LAMA3: variants seen among roughly 807,000 people sequenced by gnomAD.
LAMA3 encodes laminin subunit alpha-3.
In LAMA3, 281 loss-of-function variants were observed where a neutral mutation model predicts 402.0. The observed-to-expected ratio is 0.70, with a 90% CI of 0.63 to 0.77. The LOEUF is 0.77. LAMA3 is among the 30% of genes least tolerant of loss of function. The pLI is 0.00. For missense variants in LAMA3, 3,840 were observed against 4,215.5 expected (o/e 0.91, Z 2.47); for synonymous variants, 1,431 against 1,558.4 (o/e 0.92, Z 1.93).
chr18:23,836,921 A>T, intron 24 of LAMA3, 60 bp from the exon 25 acceptor site: 2 of 1,196,446 alleles, frequency 1.7e-6, no homozygotes, highest in South Asian at 2.4e-5. Context: ...ACCCAGAAGG[A>T]TGTGCAGAAT....
intron 42 of LAMA3, among the ~76,000 whole-genome samples, chr18:23,891,318 A>G (rs1035585857): frequency 1.3e-5 from 2 of 152,264 alleles, no homozygotes; most frequent in African/African-American, 4.8e-5. Flanking sequence ...GTGTGTTGAC[A>G]GACTTCAGTC....
intron 2 of LAMA3, among the ~76,000 whole-genome samples, chr18:23,741,056 C>G (rs945896420): frequency 6.6e-6 from 1 of 151,994 alleles, no homozygotes; most frequent in African/African-American, 2.4e-5. Flanking sequence ...CAGGTTCACG[C>G]CATTCTCCTG....
rs373464847 is a variant in LAMA3 at position 23,901,216 on chromosome 18, G to T, written c.6094G>T (p.Glu2032Ter). The T allele has an allele frequency of 1.2e-6, 2 of 1,614,138 alleles. No homozygotes were observed. Among genetic ancestry groups the T allele is most frequent in the Non-Finnish European group, 1.7e-6 (2 of 1,180,018 alleles). ...TATCCGGGATTCTTTAAATGAATAC[G>T]AAGCCAAACTCAGTGACCTTCGTGC... Reference protein sequence around the residue: ...NSIRDSLNEYEAKLSDLRARL... With the variant: ...NSIRDSLNEY The change falls in exon 48 of 75, where the codon GAA becomes TAA. Residue 2032 changes from glutamate (E) to a stop codon, truncating the protein, a stop_gained. Coordinates refer to ENST00000313654, the MANE Select transcript of LAMA3 (RefSeq NM_198129.4). LOFTEE classifies it high-confidence loss of function.
chr18:23,908,640 T>C (rs1437186794), intron 54 of LAMA3, among the ~76,000 whole-genome samples: 1 of 151,960 alleles, frequency 6.6e-6, no homozygotes, highest in Admixed American at 6.6e-5. Flanking sequence ...GTACCTAGAT[T>C]GCAGAATACA....
intron 61 of LAMA3, 40 bp downstream of exon 61, chr18:23,921,094 C>T: frequency 3.1e-6 from 5 of 1,608,270 alleles, no homozygotes; most frequent in Non-Finnish European, 4.3e-6. Context: ...CGTTAAATGT[C>T]CTTAGTCCTT....
intron 8 of LAMA3, among the ~76,000 whole-genome samples, chr18:23,767,765 G>A (rs2062107189): frequency 6.6e-6 from 1 of 151,830 alleles, no homozygotes; most frequent in Admixed American, 6.6e-5. Flanking sequence ...TAGAAACAGA[G>A]TTTCACCATG....
intron 6 of LAMA3, among the ~76,000 whole-genome samples, chr18:23,756,588 G>T (rs572737162): frequency 6.6e-5 from 10 of 152,018 alleles, no homozygotes; most frequent in Non-Finnish European, 1.5e-4. Context: ...CTACAATCAC[G>T]GCCTTTGTCA....
At chr18:23,877,913 C>A (rs2064774630) in intron 39 of LAMA3, among the ~76,000 whole-genome samples, 1 of 152,030 alleles carries the variant, frequency 6.6e-6, no homozygotes, top group Non-Finnish European at 1.5e-5. Flanking sequence ...AGTTCGAGAC[C>A]ATTCTGGCTA....
At position 23,951,731 on chromosome 18, in the gene LAMA3, C is replaced by T. The variant is rs1228894523; in HGVS notation, c.9690C>T (p.Val3230=). Residue 3230 remains valine, a synonymous_variant, in exon 73 of 75, where the codon GTC becomes GTT. Coordinates refer to ENST00000313654, the MANE Select transcript of LAMA3 (RefSeq NM_198129.4). ...DSGAGGTSTS[V]TPKQSLCDGQ... ...GGGCAGGTGGGACCTCAACGTCGGT[C>T]ACACCAAAGCAGTCTCTGTGTGATG... 1.2e-6 allele frequency: 2 copies of T among 1,613,824 alleles called. No individual in the cohort carries two copies. The highest frequency in any genetic ancestry group is 8.5e-7 in the Non-Finnish European group (1 of 1,179,960).
chr18:23,930,304 A>G (rs2082125600), intron 64 of LAMA3, among the ~76,000 whole-genome samples: 1 of 152,212 alleles, frequency 6.6e-6, no homozygotes, highest in Admixed American at 6.5e-5. Flanking sequence ...AAAAATAATG[A>G]CTAGGAAATA....
chr18:23,916,025 A>G (rs1308881681), intron 59 of LAMA3, among the ~76,000 whole-genome samples: 126 of 139,644 alleles, frequency 9.0e-4, no homozygotes, highest in African/African-American at 3.1e-3. Context: ...AAAAAAAAAA[A>G]AAAAAAGAAA....
chr18:23,942,826 C>T (rs1218173412), intron 68 of LAMA3, among the ~76,000 whole-genome samples: 3 of 152,176 alleles, frequency 2.0e-5, no homozygotes, highest in Admixed American at 6.5e-5. Context: ...GATCCACCCA[C>T]CTCGGCCTCC....
chr18:23,898,787 T>C lies in LAMA3; in HGVS notation c.5663T>C (p.Ile1888Thr), dbSNP rs1413876039. 5 of 1,613,180 alleles carry C rather than the reference T, an allele frequency of 3.1e-6. No homozygotes were observed. The Admixed American group carries it at 8.3e-5, about 27-fold the overall frequency. Residue 1888 changes from isoleucine to threonine, a missense_variant, in exon 45 of 75, where the codon ATA becomes ACA. Transcript: ENST00000313654. ...GCCATTTCAAATCATGGATCAAAAA[T>C]AGAAGGCCTGGAAAGAGAACTGACT... Reference protein sequence around the residue: ...RSAISNHGSKIEGLERELTDL... With the variant: ...RSAISNHGSKTEGLERELTDL...
At chr18:23,798,139 C>T (rs1204435681) in intron 12 of LAMA3, among the ~76,000 whole-genome samples, 1 of 152,036 alleles carries the variant, frequency 6.6e-6, no homozygotes, top group Non-Finnish European at 1.5e-5. Context: ...CTTCCTCTTC[C>T]TCTTTTCCTC....
chr18:23,941,228 G>A (rs559288470), intron 68 of LAMA3, among the ~76,000 whole-genome samples: 67 of 151,542 alleles, frequency 4.4e-4, no homozygotes, highest in Middle Eastern at 6.8e-3. Flanking sequence ...GAGCCACCGC[G>A]CCCGGCCAAC....
chr18:23,899,658 C>A, intron 47 of LAMA3: 2 of 531,702 alleles, frequency 3.8e-6, no homozygotes, highest in Admixed American at 3.4e-5. Context: ...AACAGCTTAC[C>A]ATCATGCAAA....
rs59629537 is a variant in LAMA3 at position 23,765,132 on chromosome 18, G to A, written c.1182+1609G>A. ...TATTTTTATGACTTTTACCCAGAGG[G>A]GAGGCCAAAGTTGGTCCCATGTGGT... is the stretch of plus-strand genomic sequence containing the variant. On this transcript the variant is annotated intron_variant, in intron 8 of 74. Coordinates refer to ENST00000313654, the MANE Select transcript of LAMA3 (RefSeq NM_198129.4). 3.6e-3 allele frequency among the ~76,000 whole-genome samples: 549 copies of A among 152,270 alleles called. 3 individuals carry two copies. Among genetic ancestry groups the A allele is most frequent in the African/African-American group, 0.013 (520 of 41,534 alleles).
In LAMA3 at chr18:23,777,575, T is replaced by C; in HGVS notation, c.1424T>C (p.Val475Ala). The C allele has an allele frequency of 6.2e-7, 1 of 1,611,160 alleles. No homozygotes were observed. Among genetic ancestry groups the C allele is most frequent in the South Asian group, 1.1e-5 (1 of 91,024 alleles). ...TTTACAGGAATTCCCATTTTTCCTG[T>C]TTCTACACCAAGTTCAGAAGATCCA... ...PFCLRIPIFP[V>A]STPSSEDPVA... Residue 475 changes from valine (V) to alanine (A), a missense_variant, in exon 11 of 75, where the codon GTT becomes GCT. Around this residue, in one of 3 missense-constraint regions of LAMA3, gnomAD observed 2,109 missense variants for 2,376.0 expected, o/e 0.89. Transcript: ENST00000313654.
chr18:23,867,558 A>G (rs987242380), intron 36 of LAMA3, among the ~76,000 whole-genome samples: 3 of 151,574 alleles, frequency 2.0e-5, no homozygotes, highest in Non-Finnish European at 4.4e-5. Context: ...CTGCCAAAAA[A>G]AAAAAAAAAA....
Sources: allele counts gnomAD v4.1 joint callset (sites outside exome capture counted in the v4.1 genomes callset), GRCh38; gene constraint gnomAD v4.1.1; regional missense constraint gnomAD v4.1.1; transcripts MANE v1.5; gene names NCBI Gene and HGNC (gene_info 2026-07-23, HGNC 2026-07-21).